The following CSMD1 variants were observed in gnomAD, a reference collection of about 807,000 sequenced individuals.
CSMD1 encodes CUB and sushi domain-containing protein 1.
Under a neutral mutation model 417.5 loss-of-function variants are expected in CSMD1, and 213 were observed. That is an observed-to-expected ratio of 0.51 (90% CI 0.46 to 0.57). CSMD1 has a LOEUF of 0.57. Among genes scored for constraint, CSMD1 ranks in the 20% least tolerant of loss-of-function variants. CSMD1 has a pLI of 0.00. For synonymous variants in CSMD1, 2,862 were observed against 1,736.8 expected (o/e 1.65, Z -16.11); for missense variants, 6,923 against 4,529.7 (o/e 1.53, Z -15.17).
At chr8:3,970,368 T>C (rs974816880) in intron 5 of CSMD1, among the ~76,000 whole-genome samples, 3 of 152,142 alleles carry the variant, frequency 2.0e-5, no homozygotes, top group Non-Finnish European at 4.4e-5. Context: ...ATTTTGCAAC[T>C]CCGACCAAAC....
At chr8:3,217,377 C>G (rs1005407506) in intron 29 of CSMD1, among the ~76,000 whole-genome samples, 1 of 152,236 alleles carries the variant, frequency 6.6e-6, no homozygotes, top group Non-Finnish European at 1.5e-5. Context: ...CTTCATGCAA[C>G]CTGTAAGGCC....
chr8:4,027,722 G>T (rs1382124442), intron 4 of CSMD1, among the ~76,000 whole-genome samples: 1 of 152,130 alleles, frequency 6.6e-6, no homozygotes, highest in African/African-American at 2.4e-5. Flanking sequence ...GGGGCCCATT[G>T]AACAAACTTG....
At chr8:4,254,547 A>C (rs1213354190) in intron 3 of CSMD1, among the ~76,000 whole-genome samples, 2 of 152,174 alleles carry the variant, frequency 1.3e-5, no homozygotes, top group Non-Finnish European at 2.9e-5. Flanking sequence ...TATGAAGACT[A>C]CAGTAGTGTA....
At chr8:3,839,144 GTCTATATATCTATAGTCCC>G (rs1802929651) in intron 5 of CSMD1, among the ~76,000 whole-genome samples, 1 of 122,858 alleles carries the variant, frequency 8.1e-6, no homozygotes, top group Non-Finnish European at 1.6e-5. Context: ...GATATATATA[GTCTATATATCTATAGTCCC>G]TCTCTCTATA....
intron 3 of CSMD1, among the ~76,000 whole-genome samples, chr8:4,377,098 C>T (rs981741321): frequency 2.6e-5 from 4 of 152,182 alleles, no homozygotes; most frequent in Non-Finnish European, 5.9e-5. Flanking sequence ...ATTCCTCTTT[C>T]TTCTAAATTT....
At chr8:4,421,881 C>A (rs937794773) in intron 2 of CSMD1, among the ~76,000 whole-genome samples, 1 of 151,718 alleles carries the variant, frequency 6.6e-6, no homozygotes, top group African/African-American at 2.4e-5. Flanking sequence ...AGAGCCAGTT[C>A]TTTGGGAAAA....
At chr8:4,979,613 C>G (rs1335588639) in intron 1 of CSMD1, among the ~76,000 whole-genome samples, 2 of 152,174 alleles carry the variant, frequency 1.3e-5, no homozygotes, top group African/African-American at 2.4e-5. Flanking sequence ...TCTAAAAATG[C>G]AATTGTCTAA....
At chr8:4,210,617 A>C (rs182835352) in intron 3 of CSMD1, among the ~76,000 whole-genome samples, 1 of 152,244 alleles carries the variant, frequency 6.6e-6, no homozygotes, top group African/African-American at 2.4e-5. Flanking sequence ...TAGCTAATTA[A>C]ATAATATCTC....
At chr8:3,445,311 A>G (rs1815229321) in intron 12 of CSMD1, among the ~76,000 whole-genome samples, 1 of 152,174 alleles carries the variant, frequency 6.6e-6, no homozygotes, top group African/African-American at 2.4e-5. Context: ...AAGGGTACTA[A>G]TATATCCTGG....
intron 1 of CSMD1, among the ~76,000 whole-genome samples, chr8:4,938,835 G>A (rs1270077390): frequency 1.3e-5 from 2 of 152,124 alleles, no homozygotes; most frequent in Non-Finnish European, 2.9e-5. Context: ...AAACATTATT[G>A]AAACAGGTGT....
At chr8:4,659,573 T>C (rs1020625793) in intron 1 of CSMD1, among the ~76,000 whole-genome samples, 2 of 152,064 alleles carry the variant, frequency 1.3e-5, no homozygotes, top group East Asian at 1.9e-4. Context: ...ACATATCAGA[T>C]ACCCAGAAGA....
chr8:3,313,668 G>T (rs1219567705), intron 23 of CSMD1, among the ~76,000 whole-genome samples: 1 of 152,156 alleles, frequency 6.6e-6, no homozygotes, highest in Non-Finnish European at 1.5e-5. Flanking sequence ...TCACACTGTT[G>T]GTGGGACTGT....
intron 2 of CSMD1, among the ~76,000 whole-genome samples, chr8:4,486,206 T>TATATATATATATATATATACATAC (rs1563224062): frequency 5.8e-5 from 1 of 17,220 alleles, no homozygotes; most frequent in Non-Finnish European, 1.0e-4. Flanking sequence ...TATACATACA[T>TATATATATATATATATATACATAC]ATATATATAT....
At chr8:4,192,042 A>C (rs1288100323) in intron 3 of CSMD1, among the ~76,000 whole-genome samples, 1 of 152,178 alleles carries the variant, frequency 6.6e-6, no homozygotes, top group Non-Finnish European at 1.5e-5. Flanking sequence ...CCTGCAACAA[A>C]AGTATTTGTG....
At chr8:3,847,118 C>G (rs1158649751) in intron 5 of CSMD1, among the ~76,000 whole-genome samples, 2 of 152,088 alleles carry the variant, frequency 1.3e-5, no homozygotes, top group African/African-American at 4.8e-5. Flanking sequence ...CCTGAGGTCT[C>G]CTCCTCTTGC....
In CSMD1 at chr8:2,950,264, C is replaced by T. The variant is rs1469559933; in HGVS notation, c.10281G>A (p.Lys3427=). 7 of 1,613,022 alleles carry T rather than the reference C, an allele frequency of 4.3e-6. No homozygotes were observed. The highest frequency in any genetic ancestry group is 5.9e-6 in the Non-Finnish European group (7 of 1,179,198). ...IKGQADIFVS[K]FENDNWGLDG... Reference sequence around the variant, plus strand: ...CTAGTCCCCAGTTGTCATTTTCGAACTTGCTTACAAAAATATCTGCCTGGC... The same window carrying T: ...CTAGTCCCCAGTTGTCATTTTCGAATTTGCTTACAAAAATATCTGCCTGGC... Residue 3427 remains lysine (K), a synonymous_variant, in exon 67 of 70, where the codon AAG becomes AAA. Coordinates refer to ENST00000635120, the MANE Select transcript of CSMD1 (RefSeq NM_033225.6).
chr8:4,166,098 G>A (rs1193980937), intron 3 of CSMD1, among the ~76,000 whole-genome samples: 1 of 152,106 alleles, frequency 6.6e-6, no homozygotes, highest in African/African-American at 2.4e-5. Context: ...TCTTAATGAT[G>A]AGGTCATAGA....
intron 49 of CSMD1, among the ~76,000 whole-genome samples, chr8:3,076,329 G>C (rs955311488): frequency 6.6e-6 from 1 of 152,206 alleles, no homozygotes; most frequent in African/African-American, 2.4e-5. Context: ...CTTTGTATGA[G>C]GACACCAGCC....
At chr8:2,997,938 G>T (rs1280529224) in intron 54 of CSMD1, 73 bp downstream of exon 54, 11 of 1,405,798 alleles carry the variant, frequency 7.8e-6, no homozygotes, top group Non-Finnish European at 1.1e-5. Context: ...ATGGAGACAG[G>T]CTCTTGATGG....
Sources: allele counts gnomAD v4.1 joint callset (sites outside exome capture counted in the v4.1 genomes callset), GRCh38; gene constraint gnomAD v4.1.1; transcripts MANE v1.5; gene names NCBI Gene and HGNC (gene_info 2026-07-23, HGNC 2026-07-21).